FRMD6: variants seen among roughly 807,000 people sequenced by gnomAD.
The protein encoded by FRMD6 is FERM domain containing 6, also known as FERM domain-containing protein 6.
A neutral mutation model predicts 73.2 loss-of-function variants in FRMD6; 37 were observed. The ratio of observed to expected loss-of-function variants is 0.51; its 90% CI spans 0.39 to 0.66. The LOEUF is 0.66. Ranked by LOEUF, FRMD6 falls within the 30% of genes least tolerant of loss-of-function variation. The pLI, the probability that FRMD6 is intolerant of heterozygous loss-of-function variation, is 0.00. For synonymous variants in FRMD6, 273 were observed against 282.2 expected (o/e 0.97, Z 0.33); for missense variants, 714 against 780.5 (o/e 0.91, Z 1.02).
intron 2 of FRMD6, among the ~76,000 whole-genome samples, chr14:51,697,730 A>G (rs1365393828): frequency 3.3e-5 from 5 of 152,150 alleles, no homozygotes; most frequent in African/African-American, 7.2e-5. Context: ...ATTATGTTGT[A>G]TACCATAAAT....
the FRMD6 span, among the ~76,000 whole-genome samples, chr14:51,470,002 T>G: frequency 4.2e-4 from 64 of 152,190 alleles, no homozygotes; most frequent in African/African-American, 1.5e-3. Context: ...TCAGATGTTC[T>G]GTTTCTTCTG....
intron 2 of FRMD6, among the ~76,000 whole-genome samples, chr14:51,570,921 T>C (rs1026302207): frequency 5.3e-5 from 8 of 152,244 alleles, no homozygotes; most frequent in Non-Finnish European, 2.9e-5. Context: ...TTCTATCTAA[T>C]ATGGGACTCC....
At chr14:51,525,308 A>T (rs928697217) in intron 1 of FRMD6, among the ~76,000 whole-genome samples, 2 of 151,656 alleles carry the variant, frequency 1.3e-5, no homozygotes, top group East Asian at 3.9e-4. Context: ...TGCTCTTGTC[A>T]CCCGGGCTGG....
At chr14:51,653,013 C>A (rs568977103) in intron 1 of FRMD6, among the ~76,000 whole-genome samples, 50 of 152,310 alleles carry the variant, frequency 3.3e-4, no homozygotes, top group African/African-American at 1.2e-3. Flanking sequence ...CTCGTTTTCC[C>A]CCTTAACACC....
chr14:51,435,180 A>G, the FRMD6 span, among the ~76,000 whole-genome samples: 3 of 152,254 alleles, frequency 2.0e-5, no homozygotes, highest in Non-Finnish European at 4.4e-5. Flanking sequence ...GGTTTTGATC[A>G]TCTTACTAAG....
intron 2 of FRMD6, chr14:51,584,352 A>C (rs973053959): frequency 6.6e-6 from 1 of 152,226 alleles, no homozygotes; most frequent in African/African-American, 2.4e-5. Flanking sequence ...GAAGTACAAG[A>C]GGTACACTGG....
At chr14:51,552,945 T>C (rs1027882816) in intron 1 of FRMD6, among the ~76,000 whole-genome samples, 15 of 152,128 alleles carry the variant, frequency 9.9e-5, no homozygotes, top group Non-Finnish European at 1.6e-4. Context: ...CGTAAGTGGA[T>C]GCAAGAAGTC....
At chr14:51,525,317 G>A (rs1312845397) in intron 1 of FRMD6, among the ~76,000 whole-genome samples, 1 of 151,800 alleles carries the variant, frequency 6.6e-6, no homozygotes, top group African/African-American at 2.4e-5. Context: ...CACCCGGGCT[G>A]GAGTGCAGTA....
At chr14:51,717,073 G>A (rs1897279479) in intron 10 of FRMD6, among the ~76,000 whole-genome samples, 1 of 152,176 alleles carries the variant, frequency 6.6e-6, no homozygotes, top group Non-Finnish European at 1.5e-5. Context: ...AGGTTCTAAG[G>A]TAAAAATTGC....
At chr14:51,531,351 T>A (rs980418943) in intron 1 of FRMD6, among the ~76,000 whole-genome samples, 2 of 152,082 alleles carry the variant, frequency 1.3e-5, no homozygotes, top group African/African-American at 4.8e-5. Context: ...CACGAGAAAA[T>A]GTCAAACAAG....
rs1891044279 is a variant in FRMD6 at position 51,624,434 on chromosome 14, A to G, written c.-147+54024A>G. On this transcript the variant is annotated intron_variant, in intron 2 of 14. Coordinates refer to the FRMD6 transcript ENST00000356218. ...CTATTCAAAAATTAGATAAAGGCAG[A>G]TTCCAAGGGTCTGGGCAATCCTGAG... is the stretch of plus-strand genomic sequence containing the variant. Among the ~76,000 whole-genome samples the G allele has an allele frequency of 3.3e-5, 5 of 152,222 alleles. No individual in the cohort carries two copies. In the South Asian group the frequency reaches 1.0e-3, roughly 32 times the overall value.
At chr14:51,554,441 A>G (rs538366325) in intron 1 of FRMD6, among the ~76,000 whole-genome samples, 1 of 152,314 alleles carries the variant, frequency 6.6e-6, no homozygotes, top group South Asian at 2.1e-4. Flanking sequence ...GAAGCAAAAG[A>G]GTAACTTTAC....
chr14:51,526,585 C>T lies in FRMD6; in HGVS notation c.-210+37165C>T, dbSNP rs552927074. On this transcript the variant is annotated intron_variant, in intron 1 of 14. Transcript: ENST00000356218. Reference sequence around the variant, plus strand: ...CTTTTCCTAGTCCCCTAATAATGCTCTTTTCACCTTCCAAATAAGCCTCTT... The same window carrying T: ...CTTTTCCTAGTCCCCTAATAATGCTTTTTTCACCTTCCAAATAAGCCTCTT... Among the ~76,000 whole-genome samples the T allele has an allele frequency of 3.3e-5, 5 of 152,304 alleles. No individual in the cohort carries two copies. The East Asian group carries it at 7.7e-4, about 23-fold the overall frequency.
At chr14:51,483,206 G>A in the FRMD6 span, among the ~76,000 whole-genome samples, 4 of 152,090 alleles carry the variant, frequency 2.6e-5, no homozygotes, top group Admixed American at 6.6e-5. Context: ...CAGTAAATAC[G>A]TATTGCATAT....
At position 51,490,000 on chromosome 14, in the gene FRMD6, G is replaced by A. The variant is rs17124005; in HGVS notation, c.-210+580G>A. 2.2e-3 allele frequency among the ~76,000 whole-genome samples: 334 copies of A among 152,328 alleles called. 4 individuals carry two copies. The highest frequency in any genetic ancestry group is 7.2e-3 in the African/African-American group (299 of 41,560). ...GCTTACCCTCTGGGTTGGAAAAGGAGACATTTACATATTTGGGGTTCCTGC... is the reference window on the plus strand; with the variant it reads ...GCTTACCCTCTGGGTTGGAAAAGGAAACATTTACATATTTGGGGTTCCTGC... On this transcript the variant is annotated intron_variant, in intron 1 of 14. Transcript: ENST00000356218.
At chr14:51,566,968 A>G (rs1050000453) in intron 1 of FRMD6, among the ~76,000 whole-genome samples, 4 of 152,170 alleles carry the variant, frequency 2.6e-5, no homozygotes, top group African/African-American at 9.7e-5. Context: ...GCAGGCATTG[A>G]AAACTCAAAT....
chr14:51,597,344 A>G lies in FRMD6; in HGVS notation c.-147+26934A>G, dbSNP rs567227639. ...GCATAAGGAGATTGACCCTAGCTAA[A>G]GGCAATTAGGAGTCGCTCCCTGGAG... is the stretch of plus-strand genomic sequence containing the variant. On this transcript the variant is annotated intron_variant, in intron 2 of 14. Transcript: ENST00000356218. Among the ~76,000 whole-genome samples, 3 of 152,368 alleles carry G rather than the reference A, an allele frequency of 2.0e-5. No homozygotes were observed. The South Asian group carries it at 6.2e-4, about 32-fold the overall frequency.
Position 51,728,097 on chromosome 14 carries a change from T to G in FRMD6, c.*68T>G. ...AGAGGATGCGAAAGTCATAAGTTCTTTACATATTACTTGTGCCATATCTTC... is the reference window on the plus strand; with the variant it reads ...AGAGGATGCGAAAGTCATAAGTTCTGTACATATTACTTGTGCCATATCTTC... On this transcript the variant is annotated 3_prime_UTR_variant, in exon 14 of 14. Transcript: ENST00000344768. 2 of 1,401,266 alleles carry G rather than the reference T, an allele frequency of 1.4e-6. No homozygotes were observed. The highest frequency in any genetic ancestry group is 2.0e-6 in the Non-Finnish European group (2 of 1,024,074). 86.8% of individuals were successfully genotyped at this position (1,401,266 alleles called of 1,614,324 possible).
intron 3 of FRMD6, 135 bp from the exon 4 acceptor site, chr14:51,700,921 T>C (rs573897626): frequency 6.8e-6 from 3 of 443,046 alleles, no homozygotes; most frequent in Non-Finnish European, 1.2e-5. Context: ...TAGTATCTCT[T>C]TGGGTTTTCT....
Sources: gnomAD v4.1 joint callset for allele counts (sites outside exome capture counted in the v4.1 genomes callset) on GRCh38, gnomAD v4.1.1 for gene constraint, MANE v1.5 for transcripts, NCBI Gene and HGNC (gene_info 2026-07-23, HGNC 2026-07-21) for gene names.